RGS20: variants seen among roughly 807,000 people sequenced by gnomAD.
RGS20 encodes the protein gz-selective GTPase-activating protein.
In RGS20, 30 loss-of-function variants were observed where a neutral mutation model predicts 33.6. That is an observed-to-expected ratio of 0.89 (90% CI 0.67 to 1.21). The LOEUF (loss-of-function observed/expected upper bound fraction) is 1.21, where lower values mean the gene tolerates loss of function less well. Among genes scored for constraint, RGS20 ranks in the 50% most tolerant of loss-of-function variants. RGS20 has a pLI of 0.00. For synonymous variants in RGS20, 208 were observed against 197.9 expected (o/e 1.05, Z -0.43); for missense variants, 472 against 502.4 (o/e 0.94, Z 0.58).
chr8:53,879,243 C>G lies in RGS20; in HGVS notation c.166-15C>G, dbSNP rs747237689. The stretch of plus-strand genomic sequence containing the variant: ...GTAACCGTATGCTGGTTTTGTTTCT[C>G]TCTCCCCACCCCAGTCCTTCCCGCC... On this transcript the variant is annotated splice_polypyrimidine_tract_variant and intron_variant, in intron 1 of 5. Coordinates refer to ENST00000297313, the MANE Select transcript of RGS20 (RefSeq NM_170587.4). The G allele has an allele frequency of 6.2e-7, 1 of 1,608,902 alleles. No individual in the cohort carries two copies.
intron 2 of RGS20, among the ~76,000 whole-genome samples, chr8:53,911,817 G>A (rs1312276359): frequency 2.6e-5 from 4 of 151,956 alleles, no homozygotes; most frequent in Non-Finnish European, 5.9e-5. Context: ...GGTGTGTGCC[G>A]GTAATCCCAG....
intron 1 of RGS20, among the ~76,000 whole-genome samples, chr8:53,876,939 C>T (rs935138711): frequency 6.6e-6 from 1 of 152,188 alleles, no homozygotes; most frequent in South Asian, 2.1e-4. Context: ...AGCAAAATGC[C>T]TAATGAAGCG....
chr8:53,918,626 G>A (rs1813556995), intron 2 of RGS20, among the ~76,000 whole-genome samples: 1 of 152,082 alleles, frequency 6.6e-6, no homozygotes, highest in African/African-American at 2.4e-5. Context: ...GACCTCAAAT[G>A]ATCCACCTGC....
At chr8:53,898,564 A>G (rs1414363393) in intron 2 of RGS20, among the ~76,000 whole-genome samples, 3 of 152,234 alleles carry the variant, frequency 2.0e-5, no homozygotes, top group Non-Finnish European at 2.9e-5. Flanking sequence ...ATATTGAAGC[A>G]TGCATAACAC....
At position 53,943,759 on chromosome 8, in the gene RGS20, T is replaced by C. The variant is rs902602028; in HGVS notation, c.660-2906T>C. The stretch of plus-strand genomic sequence containing the variant: ...CTGAGGAACTCCTGTCAAATTCATC[T>C]CTTTTTTCCTCTGCTTTTTCATACC... On this transcript the variant is annotated intron_variant, in intron 3 of 5. Transcript: ENST00000297313. 5.3e-5 allele frequency among the ~76,000 whole-genome samples: 8 copies of C among 152,218 alleles called. 1 individual carries two copies. The highest frequency in any genetic ancestry group is 1.3e-4 in the Admixed American group (2 of 15,278).
chr8:53,863,742 T>A (rs1811859787), intron 1 of RGS20, among the ~76,000 whole-genome samples: 1 of 150,634 alleles, frequency 6.6e-6, no homozygotes, highest in South Asian at 2.1e-4. Flanking sequence ...TTTTTTTTTT[T>A]TTTTGGCAGA....
intron 2 of RGS20, among the ~76,000 whole-genome samples, chr8:53,921,726 G>C (rs951494984): frequency 6.6e-6 from 1 of 151,808 alleles, no homozygotes; most frequent in African/African-American, 2.4e-5. Context: ...TTGGTAATTT[G>C]AGTCTTCATT....
chr8:53,881,135 G>A, intron 2 of RGS20, 51 bp downstream of exon 1: 2 of 1,375,532 alleles, frequency 1.5e-6, no homozygotes, highest in Non-Finnish European at 1.9e-6. Context: ...GGCTCGCCCT[G>A]AGGCTTCGTG....
At chr8:53,899,193 T>C (rs1320961678) in intron 2 of RGS20, among the ~76,000 whole-genome samples, 1 of 152,230 alleles carries the variant, frequency 6.6e-6, no homozygotes, top group Non-Finnish European at 1.5e-5. Flanking sequence ...ACATGTGCTA[T>C]GTCCACTGCC....
rs1038066344 is a variant in RGS20 at position 53,954,415 on chromosome 8, G to C, written c.978+105G>C. 32 of 747,802 alleles carry C rather than the reference G, an allele frequency of 4.3e-5. No individual in the cohort carries two copies. In the African/African-American group the frequency reaches 4.4e-4, roughly 10 times the overall value. 46.3% of individuals were successfully genotyped at this position (747,802 alleles called of 1,614,324 possible). On this transcript the variant is annotated intron_variant, in intron 5 of 5. Coordinates refer to ENST00000297313, the MANE Select transcript of RGS20 (RefSeq NM_170587.4). ...ACAGTGGCTCACGTCTGTAATCCCA[G>C]CACTTTGGGAGGCTGAGGCGGGCGG...
At chr8:53,947,508 T>C (rs1365920489) in intron 4 of RGS20, among the ~76,000 whole-genome samples, 8 of 139,196 alleles carry the variant, frequency 5.7e-5, no homozygotes, top group African/African-American at 1.6e-4. Flanking sequence ...GGATATAGTA[T>C]ATACATTTAT....
intron 2 of RGS20, among the ~76,000 whole-genome samples, chr8:53,934,118 C>A (rs536739643): frequency 1.4e-4 from 21 of 152,174 alleles, no homozygotes; most frequent in Admixed American, 6.5e-4. Flanking sequence ...GTACTACACA[C>A]GGAAAGGAAA....
rs188066960 is a variant in RGS20 at position 53,935,882 on chromosome 8, T to C, written c.511-3694T>C. ...CTGGCAAACCGAATCCAGCAGCACA[T>C]CAAAAAGCTTATCCACCACCATCAA... On this transcript the variant is annotated intron_variant, in intron 2 of 5. Coordinates refer to ENST00000297313, the MANE Select transcript of RGS20 (RefSeq NM_170587.4). Among the ~76,000 whole-genome samples the C allele has an allele frequency of 4.6e-5, 7 of 152,160 alleles. No individual in the cohort carries two copies. In the East Asian group the frequency reaches 1.2e-3, roughly 25 times the overall value.
chr8:53,892,663 C>T (rs1585894136), intron 2 of RGS20, among the ~76,000 whole-genome samples: 1 of 152,164 alleles, frequency 6.6e-6, no homozygotes, highest in African/African-American at 2.4e-5. Context: ...GATAAGAATA[C>T]TTGCTTTAAC....
At chr8:53,901,893 T>G (rs1242238092) in intron 2 of RGS20, among the ~76,000 whole-genome samples, 1 of 152,210 alleles carries the variant, frequency 6.6e-6, no homozygotes, top group Admixed American at 6.5e-5. Context: ...TAGAATAGAA[T>G]GCAGAATGGC....
At chr8:53,905,270 C>T (rs891259386) in intron 2 of RGS20, among the ~76,000 whole-genome samples, 3 of 152,100 alleles carry the variant, frequency 2.0e-5, no homozygotes, top group Non-Finnish European at 4.4e-5. Flanking sequence ...AACCAAAAGA[C>T]AGAAATTTTT....
At chr8:53,853,663 T>A (rs1163601493) in intron 1 of RGS20, among the ~76,000 whole-genome samples, 2 of 152,196 alleles carry the variant, frequency 1.3e-5, no homozygotes, top group Non-Finnish European at 1.5e-5. Flanking sequence ...CAGATACCAT[T>A]GAATCCTTAC....
At chr8:53,886,781 T>C (rs1812558120) in intron 2 of RGS20, among the ~76,000 whole-genome samples, 1 of 152,202 alleles carries the variant, frequency 6.6e-6, no homozygotes, top group Admixed American at 6.5e-5. Flanking sequence ...CTGCTGCTCT[T>C]AGACTAAGGA....
At chr8:53,928,551 C>T (rs1014838260) in intron 2 of RGS20, among the ~76,000 whole-genome samples, 9 of 152,124 alleles carry the variant, frequency 5.9e-5, no homozygotes, top group Admixed American at 2.0e-4. Context: ...CACCAGGGCG[C>T]GGTGGCTTAC....
Sources: gnomAD v4.1 joint callset for allele counts (sites outside exome capture counted in the v4.1 genomes callset) on GRCh38, gnomAD v4.1.1 for gene constraint, MANE v1.5 for transcripts, NCBI Gene and HGNC (gene_info 2026-07-23, HGNC 2026-07-21) for gene names.